The following KIAA1958 variants were observed in gnomAD, a reference collection of about 807,000 sequenced individuals.
The protein encoded by KIAA1958 is uncharacterized protein KIAA1958.
KIAA1958 carries 14 observed loss-of-function variants against 47.2 expected under a neutral mutation model. The ratio of observed to expected loss-of-function variants is 0.30; its 90% CI spans 0.20 to 0.46. KIAA1958 has a LOEUF of 0.46. KIAA1958 is among the 20% of genes least tolerant of loss of function. KIAA1958 has a pLI of 1.00. For missense variants in KIAA1958, 803 were observed against 909.2 expected, an observed-to-expected ratio of 0.88 and a Z score of 1.50; for synonymous variants, 354 against 353.3, an observed-to-expected ratio of 1.00 and a Z score of -0.02.
Position 112,535,709 on chromosome 9 carries a change from C to CT in KIAA1958, c.-24-38339dup, listed in dbSNP as rs754182344. 6.6e-5 allele frequency among the ~76,000 whole-genome samples: 10 copies of CT among 151,456 alleles called. No homozygotes were observed. In the South Asian group the frequency reaches 2.1e-3, roughly 32 times the overall value. ...TTCACTAACAGTGTACAAGGGTTCT[C>CT]TTTTTTTTTCCCCACAACCTAAACA... On this transcript the variant is annotated intron_variant, in intron 1 of 3. Coordinates refer to ENST00000337530, the MANE Select transcript of KIAA1958 (RefSeq NM_133465.4).
intron 2 of KIAA1958, among the ~76,000 whole-genome samples, chr9:112,602,289 G>A (rs564095249): frequency 6.6e-6 from 1 of 152,240 alleles, no homozygotes; most frequent in South Asian, 2.1e-4. Context: ...AATGAAACAC[G>A]AATGTTGGCA....
chr9:112,657,060 C>A (rs1232637823), intron 3 of KIAA1958, among the ~76,000 whole-genome samples: 2 of 151,912 alleles, frequency 1.3e-5, no homozygotes, highest in African/African-American at 2.4e-5. Flanking sequence ...CAATTTATTT[C>A]TTTTCTAGTC....
At chr9:112,614,425 A>G (rs1836377651) in intron 2 of KIAA1958, among the ~76,000 whole-genome samples, 1 of 152,250 alleles carries the variant, frequency 6.6e-6, no homozygotes, top group Non-Finnish European at 1.5e-5. Context: ...CCTATTAAAA[A>G]GATTTTAAAA....
intron 1 of KIAA1958, among the ~76,000 whole-genome samples, chr9:112,565,379 C>T (rs1835411178): frequency 6.6e-6 from 1 of 152,222 alleles, no homozygotes; most frequent in African/African-American, 2.4e-5. Context: ...GCTGGGATTA[C>T]AGGCATGAGC....
At chr9:112,529,220 G>T (rs543513466) in intron 1 of KIAA1958, among the ~76,000 whole-genome samples, 1 of 152,138 alleles carries the variant, frequency 6.6e-6, no homozygotes, top group East Asian at 1.9e-4. Flanking sequence ...AATACATATT[G>T]TATATAGGCT....
At chr9:112,564,174 C>T (rs1835386458) in intron 1 of KIAA1958, among the ~76,000 whole-genome samples, 1 of 152,134 alleles carries the variant, frequency 6.6e-6, no homozygotes, top group Non-Finnish European at 1.5e-5. Flanking sequence ...GCTTTCTCTT[C>T]CCCCTATATT....
At chr9:112,497,945 T>C (rs918719592) in intron 1 of KIAA1958, among the ~76,000 whole-genome samples, 1 of 152,172 alleles carries the variant, frequency 6.6e-6, no homozygotes, top group African/African-American at 2.4e-5. Context: ...AGAAGACTTA[T>C]TTTCCCTATT....
At chr9:112,544,615 G>C (rs751834378) in intron 1 of KIAA1958, among the ~76,000 whole-genome samples, 1 of 152,216 alleles carries the variant, frequency 6.6e-6, no homozygotes, top group Non-Finnish European at 1.5e-5. Context: ...CACATTAAAA[G>C]TCAGAGCTCT....
intron 1 of KIAA1958, among the ~76,000 whole-genome samples, chr9:112,557,109 C>CCA (rs1564171383): frequency 6.6e-6 from 1 of 152,104 alleles, no homozygotes; most frequent in African/African-American, 2.4e-5. Context: ...ACGGCACGTA[C>CCA]CACCACACAA....
rs118080657 is a variant in KIAA1958 at position 112,501,098 on chromosome 9, C to T, written c.-25+13980C>T. ...TGTGATCATTCCACTGTACTCCAGT[C>T]TGGGTGACAGTGCCAAACCTTGTCT... is the stretch of plus-strand genomic sequence containing the variant. On this transcript the variant is annotated intron_variant, in intron 1 of 3. Coordinates refer to ENST00000337530, the MANE Select transcript of KIAA1958 (RefSeq NM_133465.4). Among the ~76,000 whole-genome samples the T allele has an allele frequency of 6.3e-4, 95 of 151,936 alleles. 1 individual carries two copies. The East Asian group carries it at 0.016, about 26-fold the overall frequency.
intron 1 of KIAA1958, among the ~76,000 whole-genome samples, chr9:112,499,697 T>G (rs1336397312): frequency 6.7e-6 from 1 of 149,508 alleles, no homozygotes; most frequent in Non-Finnish European, 1.5e-5. Flanking sequence ...TCTTTTTTTT[T>G]TTTTTTTTTG....
At chr9:112,507,774 CTTTCTT>C (rs1834256391) in intron 1 of KIAA1958, among the ~76,000 whole-genome samples, 3 of 152,086 alleles carry the variant, frequency 2.0e-5, no homozygotes, top group South Asian at 2.1e-4. Flanking sequence ...CTCTCTCTTT[CTTTCTT>C]TCTTTCTTTT....
intron 1 of KIAA1958, among the ~76,000 whole-genome samples, chr9:112,516,756 A>G (rs1365505692): frequency 6.6e-6 from 1 of 152,244 alleles, no homozygotes; most frequent in Non-Finnish European, 1.5e-5. Context: ...TTGTTGTTAA[A>G]GAAAAAACCT....
At chr9:112,503,032 G>A (rs746114145) in intron 1 of KIAA1958, among the ~76,000 whole-genome samples, 4 of 152,148 alleles carry the variant, frequency 2.6e-5, no homozygotes, top group Non-Finnish European at 4.4e-5. Context: ...TAAAAACAAA[G>A]TACTTGCCCT....
chr9:112,659,760 C>T lies in KIAA1958; in HGVS notation c.1842C>T (p.His614=), dbSNP rs753446002. 3.7e-5 allele frequency: 60 copies of T among 1,614,004 alleles called. No individual in the cohort carries two copies. Among genetic ancestry groups the T allele is most frequent in the Admixed American group, 1.7e-4 (10 of 60,006 alleles). Residue 614 remains histidine (H), a synonymous_variant, in exon 4 of 4, where the codon CAC becomes CAT. Transcript: ENST00000337530. ...GGAGCGGCTCCACCAGAGTGTGTCA[C>T]GGGAAGATCTACCATGAGCATTCCC... ...ESRSGSTRVC[H]GKIYHEHSRG...
chr9:112,586,399 CAT>C (rs757991351), intron 2 of KIAA1958, among the ~76,000 whole-genome samples: 7 of 152,140 alleles, frequency 4.6e-5, no homozygotes, highest in Non-Finnish European at 5.9e-5. Context: ...AAGAACTAAA[CAT>C]ATAATTGTTT....
intron 1 of KIAA1958, among the ~76,000 whole-genome samples, chr9:112,522,013 C>G (rs1216729821): frequency 7.2e-6 from 1 of 139,734 alleles, no homozygotes. Context: ...CTCTTGTTAC[C>G]CAGGCTGGAG....
chr9:112,598,140 C>T (rs1198622544), intron 2 of KIAA1958, among the ~76,000 whole-genome samples: 1 of 151,880 alleles, frequency 6.6e-6, no homozygotes, highest in Non-Finnish European at 1.5e-5. Context: ...GACATTTGAC[C>T]TGAGAATGAA....
chr9:112,599,794 C>T (rs1836098315), intron 2 of KIAA1958, among the ~76,000 whole-genome samples: 1 of 152,212 alleles, frequency 6.6e-6, no homozygotes, highest in Admixed American at 6.5e-5. Context: ...ATGGCAGCAG[C>T]TCACTATGTA....
Sources: gnomAD v4.1 joint callset for allele counts (sites outside exome capture counted in the v4.1 genomes callset) on GRCh38, gnomAD v4.1.1 for gene constraint, MANE v1.5 for transcripts, NCBI Gene and HGNC (gene_info 2026-07-23, HGNC 2026-07-21) for gene names.